The following MAP2K1 variants were observed in gnomAD, a reference collection of about 807,000 sequenced individuals.
MAP2K1 encodes the protein mitogen-activated protein kinase kinase 1, also known as dual specificity mitogen-activated protein kinase kinase 1.
MAP2K1 carries 16 observed loss-of-function variants against 46.3 expected under a neutral mutation model. The observed-to-expected ratio is 0.35, with a 90% confidence interval of 0.23 to 0.52. MAP2K1 has a LOEUF of 0.52. Ranked by LOEUF, MAP2K1 falls within the 20% of genes least tolerant of loss-of-function variation. MAP2K1 has a pLI of 0.94. For synonymous variants in MAP2K1, 183 were observed against 185.6 expected (o/e 0.99, Z 0.11); for missense variants, 263 against 497.1 (o/e 0.53, Z 4.48).
chr15:66,437,950 G>C (rs1214454582), intron 3 of MAP2K1, among the ~76,000 whole-genome samples: 1 of 150,320 alleles, frequency 6.7e-6, no homozygotes, highest in African/African-American at 2.5e-5. Flanking sequence ...CTGGGGTGCT[G>C]ATTATTTTCT....
intron 3 of MAP2K1, among the ~76,000 whole-genome samples, chr15:66,440,383 C>T (rs764291481): frequency 6.6e-6 from 1 of 152,190 alleles, no homozygotes; most frequent in Non-Finnish European, 1.5e-5. Context: ...TGAGCCACCA[C>T]GCCTGGCCCT....
chr15:66,469,312 T>G (rs1042106914), intron 5 of MAP2K1, among the ~76,000 whole-genome samples: 1 of 152,162 alleles, frequency 6.6e-6, no homozygotes, highest in African/African-American at 2.4e-5. Context: ...CACTCTTCAT[T>G]AAAAACCCAA....
At chr15:66,443,662 G>T (rs184540220) in intron 4 of MAP2K1, among the ~76,000 whole-genome samples, 90 of 152,236 alleles carry the variant, frequency 5.9e-4, no homozygotes, top group Middle Eastern at 3.4e-3. Flanking sequence ...CTTGAGCCCA[G>T]GAGTTCAACT....
At chr15:66,421,796 CA>C (rs778098418) in intron 1 of MAP2K1, among the ~76,000 whole-genome samples, 36 of 120,700 alleles carry the variant, frequency 3.0e-4, no homozygotes, top group Non-Finnish European at 3.7e-4. Flanking sequence ...GACTCCATCT[CA>C]AAAAAAAAAA....
At chr15:66,406,079 TTAAGAG>T (rs2093395969) in intron 1 of MAP2K1, among the ~76,000 whole-genome samples, 1 of 152,260 alleles carries the variant, frequency 6.6e-6, no homozygotes, top group Non-Finnish European at 1.5e-5. Flanking sequence ...AACTTGTATG[TTAAGAG>T]TAAGATGTAT....
At chr15:66,434,954 C>T in intron 1 of MAP2K1, 73 bp from the exon 2 acceptor site, 2 of 1,001,556 alleles carry the variant, frequency 2.0e-6, no homozygotes, top group Non-Finnish European at 3.2e-6. Context: ...AGCTTTCTTT[C>T]CATGATAGGA....
intron 1 of MAP2K1, among the ~76,000 whole-genome samples, chr15:66,389,253 T>C (rs899115554): frequency 3.9e-5 from 6 of 152,210 alleles, no homozygotes; most frequent in Non-Finnish European, 8.8e-5. Flanking sequence ...TAAAATAGAC[T>C]GAAAGTCATG....
intron 1 of MAP2K1, among the ~76,000 whole-genome samples, chr15:66,420,717 A>ATATATATATATATG (rs2093436237): frequency 6.1e-5 from 2 of 32,808 alleles, no homozygotes; most frequent in East Asian, 9.7e-4. Flanking sequence ...ATATATATAT[A>ATATATATATATATG]TATATGTGTG....
chr15:66,460,815 G>T (rs1694781171), intron 5 of MAP2K1, among the ~76,000 whole-genome samples: 1 of 152,170 alleles, frequency 6.6e-6, no homozygotes. Flanking sequence ...ACAGGATGGG[G>T]ACAGATGGGA....
intron 1 of MAP2K1, among the ~76,000 whole-genome samples, chr15:66,397,272 G>A (rs908664642): frequency 5.9e-5 from 9 of 152,252 alleles, no homozygotes; most frequent in Admixed American, 1.3e-4. Flanking sequence ...CAAAGTGCTG[G>A]GATTACAGGC....
intron 1 of MAP2K1, among the ~76,000 whole-genome samples, chr15:66,403,887 C>T (rs934406714): frequency 6.6e-5 from 10 of 152,060 alleles, no homozygotes; most frequent in African/African-American, 2.4e-4. Context: ...GTAAACAGTC[C>T]TCAAGAATGT....
At position 66,481,787 on chromosome 15, in the gene MAP2K1, C is replaced by T. The variant is rs759605592; in HGVS notation, c.601C>T (p.Arg201Cys). 4 of 1,613,444 alleles carry T rather than the reference C, an allele frequency of 2.5e-6. No individual in the cohort carries two copies. Among genetic ancestry groups the T allele is most frequent in the Non-Finnish European group, 3.4e-6 (4 of 1,179,940 alleles). Residue 201 changes from arginine (R) to cysteine (C), a missense_variant, in exon 6 of 11, where the codon CGT (arginine) becomes TGT (cysteine). Around this residue, in one of 4 missense-constraint regions of MAP2K1, gnomAD observed 103 missense variants for 221.6 expected, o/e 0.46. Transcript: ENST00000307102. ...VKPSNILVNS[R>C]GEIKLCDFGV... ...GCCCTCCAACATCCTAGTCAACTCC[C>T]GTGGGGAGATCAAGCTCTGTGACTT...
chr15:66,403,375 G>A (rs996869526), intron 1 of MAP2K1, among the ~76,000 whole-genome samples: 1 of 152,162 alleles, frequency 6.6e-6, no homozygotes, highest in Non-Finnish European at 1.5e-5. Flanking sequence ...AAGAAAAGTT[G>A]TGGGGTTGGG....
At chr15:66,399,256 T>G (rs2093375806) in intron 1 of MAP2K1, among the ~76,000 whole-genome samples, 1 of 152,246 alleles carries the variant, frequency 6.6e-6, no homozygotes, top group African/African-American at 2.4e-5. Context: ...TTACTTTTAT[T>G]CTTTCAATTT....
intron 2 of MAP2K1, 127 bp downstream of exon 2, chr15:66,435,364 T>TTTTTTTTG: frequency 1.2e-6 from 1 of 804,564 alleles, no homozygotes; most frequent in Non-Finnish European, 2.0e-6. Context: ...TTTTTTTTTT[T>TTTTTTTTG]TTAAGACGGA....
chr15:66,468,330 T>C (rs1397082023), intron 5 of MAP2K1, among the ~76,000 whole-genome samples: 1 of 152,182 alleles, frequency 6.6e-6, no homozygotes, highest in African/African-American at 2.4e-5. Flanking sequence ...TTCATTATGC[T>C]TGGCAGTTGT....
intron 5 of MAP2K1, among the ~76,000 whole-genome samples, chr15:66,445,244 C>T (rs1189362340): frequency 6.6e-6 from 1 of 151,914 alleles, no homozygotes; most frequent in East Asian, 1.9e-4. Flanking sequence ...CAAAAATTAG[C>T]CGCCAGCCAT....
chr15:66,477,358 G>A (rs148408110), intron 5 of MAP2K1, among the ~76,000 whole-genome samples: 374 of 152,334 alleles, frequency 2.5e-3, no homozygotes, highest in Non-Finnish European at 4.6e-3. Flanking sequence ...GCTGGACTGG[G>A]TGGAGGAGAC....
chr15:66,445,304 A>G (rs1366859028), intron 5 of MAP2K1, among the ~76,000 whole-genome samples: 1 of 152,174 alleles, frequency 6.6e-6, no homozygotes, highest in East Asian at 1.9e-4. Context: ...AGGCAGGAGA[A>G]TTGCTTGAAC....
Sources: allele counts gnomAD v4.1 joint callset (sites outside exome capture counted in the v4.1 genomes callset), GRCh38; gene constraint gnomAD v4.1.1; regional missense constraint gnomAD v4.1.1; transcripts MANE v1.5; gene names NCBI Gene and HGNC (gene_info 2026-07-23, HGNC 2026-07-21).